Variants in PDE4D observed in about 807,000 individuals in gnomAD.
The protein encoded by PDE4D is phosphodiesterase 4D, also known as 3',5'-cyclic-AMP phosphodiesterase 4D.
PDE4D carries 24 observed loss-of-function variants against 87.4 expected under a neutral mutation model. The ratio of observed to expected loss-of-function variants is 0.27; its 90% confidence interval spans 0.20 to 0.39. The LOEUF is 0.39. Ranked by LOEUF, PDE4D falls within the 10% of genes least tolerant of loss-of-function variation. PDE4D has a pLI of 1.00. For missense variants in PDE4D, 714 were observed against 1,041.0 expected, an observed-to-expected ratio of 0.69 and a Z score of 4.32; for synonymous variants, 384 against 383.2, an observed-to-expected ratio of 1.00 and a Z score of -0.02.
Position 59,288,972 on chromosome 5 carries a change from A to G in PDE4D, c.456-73004T>C, listed in dbSNP as rs556093633. On this transcript the variant is annotated intron_variant, in intron 1 of 14. Coordinates refer to ENST00000340635, the MANE Select transcript of PDE4D (RefSeq NM_001104631.2). ...TCTCTTCAATCTGAAAGAAAAGCAT[A>G]TTAATGAGCAATAAGAAATCATCTG... 4.6e-5 allele frequency among the ~76,000 whole-genome samples: 7 copies of G among 152,240 alleles called. No individual in the cohort carries two copies. In the East Asian group the frequency reaches 1.2e-3, roughly 25 times the overall value.
At chr5:60,440,260 C>T (rs1225373803) in intron 1 of PDE4D, among the ~76,000 whole-genome samples, 1 of 152,084 alleles carries the variant, frequency 6.6e-6, no homozygotes, top group Non-Finnish European at 1.5e-5. Context: ...TATCCAAAAC[C>T]TACACCCTTC....
chr5:59,444,490 C>T (rs1798070711), intron 1 of PDE4D, among the ~76,000 whole-genome samples: 1 of 152,110 alleles, frequency 6.6e-6, no homozygotes, highest in Non-Finnish European at 1.5e-5. Context: ...GAGATTTGGG[C>T]TTCTTTTGAA....
intron 2 of PDE4D, among the ~76,000 whole-genome samples, chr5:60,181,156 A>G (rs1166397783): frequency 6.6e-6 from 1 of 152,208 alleles, no homozygotes; most frequent in Non-Finnish European, 1.5e-5. Flanking sequence ...GAAGACACTA[A>G]AAAATGCAGA....
intron 1 of PDE4D, among the ~76,000 whole-genome samples, chr5:59,241,393 TACACTTGACTGAA>T (rs1396029144): frequency 6.6e-6 from 1 of 152,202 alleles, no homozygotes; most frequent in Admixed American, 6.5e-5. Flanking sequence ...GGATGCTCTC[TACACTTGACTGAA>T]AAAGAAAACA....
At chr5:60,044,999 T>G (rs1218064944) in intron 2 of PDE4D, among the ~76,000 whole-genome samples, 2 of 152,238 alleles carry the variant, frequency 1.3e-5, no homozygotes, top group Non-Finnish European at 2.9e-5. Flanking sequence ...AAAGTGTTCC[T>G]ATTTATCCAC....
intron 1 of PDE4D, among the ~76,000 whole-genome samples, chr5:59,255,611 G>T (rs972413221): frequency 3.9e-5 from 6 of 152,016 alleles, no homozygotes; most frequent in Middle Eastern, 3.2e-3. Flanking sequence ...TCTCAACAAA[G>T]GTCTTCCAGA....
chr5:59,969,111 C>A (rs1760411789), intron 3 of PDE4D, among the ~76,000 whole-genome samples: 1 of 151,982 alleles, frequency 6.6e-6, no homozygotes, highest in Non-Finnish European at 1.5e-5. Flanking sequence ...TTAAGCCAAC[C>A]AATTTCTTCT....
chr5:59,261,970 T>C (rs1323438342), intron 1 of PDE4D, among the ~76,000 whole-genome samples: 1 of 151,924 alleles, frequency 6.6e-6, no homozygotes, highest in Admixed American at 6.6e-5. Flanking sequence ...TATTTTATAT[T>C]ACTCCACCCC....
chr5:59,395,009 C>T (rs996225008), intron 1 of PDE4D, among the ~76,000 whole-genome samples: 1 of 152,198 alleles, frequency 6.6e-6, no homozygotes, highest in Non-Finnish European at 1.5e-5. Flanking sequence ...CACCCGAATA[C>T]TGCGCTTTTC....
At chr5:59,507,012 A>C (rs566170703) in intron 1 of PDE4D, among the ~76,000 whole-genome samples, 1 of 152,322 alleles carries the variant, frequency 6.6e-6, no homozygotes, top group East Asian at 1.9e-4. Context: ...TAATAGTTTC[A>C]AATAAAAATA....
intron 5 of PDE4D, among the ~76,000 whole-genome samples, chr5:59,113,497 A>G (rs765552286): frequency 6.6e-6 from 1 of 152,244 alleles, no homozygotes; most frequent in Non-Finnish European, 1.5e-5. Flanking sequence ...TGAATGAAAC[A>G]TTCATTACTA....
intron 1 of PDE4D, among the ~76,000 whole-genome samples, chr5:59,357,280 A>C (rs1781535595): frequency 6.6e-6 from 1 of 152,220 alleles, no homozygotes; most frequent in Admixed American, 6.5e-5. Flanking sequence ...GTAAACCCAC[A>C]GGGCTTCGTT....
At chr5:59,119,127 C>T (rs1335183616) in intron 5 of PDE4D, among the ~76,000 whole-genome samples, 1 of 152,144 alleles carries the variant, frequency 6.6e-6, no homozygotes. Flanking sequence ...AAATGTTCTT[C>T]CTGCCTCCTT....
At chr5:59,638,570 T>C (rs1172113727) in intron 1 of PDE4D, among the ~76,000 whole-genome samples, 1 of 151,918 alleles carries the variant, frequency 6.6e-6, no homozygotes, top group Non-Finnish European at 1.5e-5. Flanking sequence ...ATGAGAGAGA[T>C]ACGGAGCTTA....
In PDE4D at chr5:58,987,157, C is replaced by T. The variant is rs1298225090; in HGVS notation, c.1552+1336G>A. On this transcript the variant is annotated intron_variant, in intron 11 of 14. Coordinates refer to ENST00000340635, the MANE Select transcript of PDE4D (RefSeq NM_001104631.2). ...CTTCTTAGAAAGGACATAATGAACC[C>T]TCCCCACTGATACCTCCCCACTGAT... is the stretch of plus-strand genomic sequence containing the variant. 2.0e-5 allele frequency among the ~76,000 whole-genome samples: 3 copies of T among 152,004 alleles called. No homozygotes were observed. The East Asian group carries it at 5.8e-4, about 29-fold the overall frequency.
chr5:59,456,794 T>A (rs1040813151), intron 1 of PDE4D, among the ~76,000 whole-genome samples: 1 of 152,090 alleles, frequency 6.6e-6, no homozygotes, highest in South Asian at 2.1e-4. Flanking sequence ...CCAACCCTCA[T>A]GGATAACTTT....
intron 1 of PDE4D, among the ~76,000 whole-genome samples, chr5:59,632,090 G>C (rs1391003987): frequency 2.0e-5 from 3 of 152,140 alleles, no homozygotes; most frequent in African/African-American, 4.8e-5. Context: ...GGCTTAAGTA[G>C]GTGGTTTTTC....
At chr5:59,157,241 T>C (rs1780384092) in intron 5 of PDE4D, 2 of 699,208 alleles carry the variant, frequency 2.9e-6, no homozygotes, top group African/African-American at 3.5e-5. Context: ...AAATCACTTG[T>C]ATTGCATTGT....
intron 1 of PDE4D, among the ~76,000 whole-genome samples, chr5:59,608,815 C>T (rs1828589680): frequency 6.6e-6 from 1 of 152,122 alleles, no homozygotes; most frequent in South Asian, 2.1e-4. Context: ...TGACATGTCA[C>T]TTTCAAGAAG....
Sources: allele counts gnomAD v4.1 joint callset (sites outside exome capture counted in the v4.1 genomes callset), GRCh38; gene constraint gnomAD v4.1.1; transcripts MANE v1.5; gene names NCBI Gene and HGNC (gene_info 2026-07-23, HGNC 2026-07-21).